RNF220: variants seen among roughly 807,000 people sequenced by gnomAD.
The protein encoded by RNF220 is ring finger protein 220.
In RNF220, 7 loss-of-function variants were observed where a neutral mutation model predicts 67.1. The observed-to-expected ratio is 0.10, with a 90% CI of 0.06 to 0.20. The LOEUF (loss-of-function observed/expected upper bound fraction) is 0.20, where lower values mean the gene tolerates loss of function less well. RNF220 is among the 10% of genes least tolerant of loss of function. RNF220 has a pLI of 1.00. For synonymous variants in RNF220, 270 were observed against 283.2 expected (o/e 0.95, Z 0.47); for missense variants, 565 against 740.3 (o/e 0.76, Z 2.75).
At chr1:44,462,247 T>A (rs1653851142) in intron 2 of RNF220, among the ~76,000 whole-genome samples, 1 of 152,116 alleles carries the variant, frequency 6.6e-6, no homozygotes, top group Admixed American at 6.6e-5. Flanking sequence ...ATATATTTTT[T>A]AATGGGAATC....
In RNF220 at chr1:44,597,509, CACGA is replaced by C. The variant is rs1434382776; in HGVS notation, c.626-16653_626-16650del. Among the ~76,000 whole-genome samples the C allele has an allele frequency of 2.8e-4, 37 of 130,776 alleles. 2 individuals carry two copies. In the South Asian group the frequency reaches 8.6e-3, roughly 30 times the overall value. The allele number at this position is 130,776 out of a possible 152,430, so 85.8% of individuals were successfully genotyped here. A position where few individuals can be genotyped will look rare whatever the true frequency, so the allele number is the denominator to read the frequency against. On this transcript the variant is annotated intron_variant, in intron 2 of 14. Transcript: ENST00000361799. ...ACACACACACACACACACACACACA[CACGA>C]ACCTCCCTCACCTCCCTCTCTCACG... is the stretch of plus-strand genomic sequence containing the variant.
chr1:44,457,426 T>A (rs1357995295), intron 2 of RNF220, among the ~76,000 whole-genome samples: 1 of 152,094 alleles, frequency 6.6e-6, no homozygotes, highest in Non-Finnish European at 1.5e-5. Context: ...TGAAGATAAT[T>A]CCAGGCAAAG....
At chr1:44,638,891 G>A (rs1249920958) in intron 8 of RNF220, among the ~76,000 whole-genome samples, 1 of 152,204 alleles carries the variant, frequency 6.6e-6, no homozygotes, top group Non-Finnish European at 1.5e-5. Context: ...AAGTAAGTTG[G>A]AAGGAATTTT....
chr1:44,631,917 C>A (rs115027833), intron 5 of RNF220: 1 of 987,192 alleles, frequency 1.0e-6, no homozygotes, highest in East Asian at 1.1e-4. Context: ...CCGCCCCCGC[C>A]GCATTGTGAA....
At position 44,502,228 on chromosome 1, in the gene RNF220, A is replaced by G. The variant is rs148602755; in HGVS notation, c.625+89506A>G. Among the ~76,000 whole-genome samples, 219 of 151,958 alleles carry G rather than the reference A, an allele frequency of 1.4e-3. 2 individuals are homozygous for G. The South Asian group carries it at 0.023, about 16-fold the overall frequency. ...CATACACTTTATGAGGCTCCTGGCT[A>G]AGGCTGCCGCATGATCCAGTGTTCT... On this transcript the variant is annotated intron_variant, in intron 2 of 14. Transcript: ENST00000361799.
At chr1:44,424,059 G>T in intron 2 of RNF220, 1 of 977,404 alleles carries the variant, frequency 1.0e-6, no homozygotes, top group African/African-American at 1.8e-5. Flanking sequence ...TGTGTGTAGA[G>T]CGTTGTGCTC....
At chr1:44,531,466 A>G (rs928344932) in intron 2 of RNF220, among the ~76,000 whole-genome samples, 38 of 152,120 alleles carry the variant, frequency 2.5e-4, no homozygotes, top group Non-Finnish European at 1.5e-4. Flanking sequence ...GCTCTCTCTG[A>G]TGTGTGTCCA....
intron 3 of RNF220, among the ~76,000 whole-genome samples, chr1:44,616,927 C>CT (rs1643577422): frequency 6.6e-6 from 1 of 152,196 alleles, no homozygotes; most frequent in African/African-American, 2.4e-5. Context: ...AACAGCCTTC[C>CT]TTTTTCCACA....
chr1:44,573,621 T>G (rs1337588632), intron 2 of RNF220, among the ~76,000 whole-genome samples: 1 of 152,006 alleles, frequency 6.6e-6, no homozygotes, highest in Non-Finnish European at 1.5e-5. Flanking sequence ...GATATAGGGG[T>G]CTGATTTCCC....
intron 5 of RNF220, chr1:44,631,767 G>A (rs1644130728): frequency 5.8e-6 from 2 of 346,528 alleles, no homozygotes; most frequent in South Asian, 2.3e-4. Flanking sequence ...GCAGCGGGAG[G>A]GGTCGTGGAG....
chr1:44,511,333 C>G (rs1658974786), intron 2 of RNF220, among the ~76,000 whole-genome samples: 1 of 152,084 alleles, frequency 6.6e-6, no homozygotes, highest in Non-Finnish European at 1.5e-5. Flanking sequence ...GAGAAACTTT[C>G]ACTAGCGAAG....
At chr1:44,580,483 T>G (rs1665190129) in intron 2 of RNF220, among the ~76,000 whole-genome samples, 1 of 152,210 alleles carries the variant, frequency 6.6e-6, no homozygotes, top group South Asian at 2.1e-4. Context: ...GATCAAACCT[T>G]TTCTGTCTGA....
At chr1:44,531,162 C>T (rs981124731) in intron 2 of RNF220, among the ~76,000 whole-genome samples, 12 of 152,166 alleles carry the variant, frequency 7.9e-5, no homozygotes, top group Admixed American at 3.3e-4. Flanking sequence ...CTGGGCTGCT[C>T]TTTGTAGATT....
In RNF220 at chr1:44,608,177, G is replaced by T. The variant is rs760435737; in HGVS notation, c.626-5988G>T. On this transcript the variant is annotated intron_variant, in intron 2 of 14. Transcript: ENST00000361799. The stretch of plus-strand genomic sequence containing the variant: ...TGGCCTTAAGCAGTCCTCCCACCTC[G>T]GCCTCTCGAAGTGCTAGGATTACAG... 1.5e-5 allele frequency among the ~76,000 whole-genome samples: 2 copies of T among 129,906 alleles called. 1 individual carries two copies. The highest frequency in any genetic ancestry group is 4.3e-4 in the South Asian group (2 of 4,606). The allele number at this position is 129,906 out of a possible 152,430, so 85.2% of individuals were successfully genotyped here. A position where few individuals can be genotyped will look rare whatever the true frequency, so the allele number is the denominator to read the frequency against.
intron 2 of RNF220, among the ~76,000 whole-genome samples, chr1:44,425,110 G>A (rs1158835108): frequency 6.6e-6 from 1 of 152,158 alleles, no homozygotes; most frequent in Non-Finnish European, 1.5e-5. Flanking sequence ...ACCCTTCCAG[G>A]GGGCAGCTGC....
At chr1:44,427,141 A>C (rs1001433455) in intron 2 of RNF220, among the ~76,000 whole-genome samples, 7 of 152,198 alleles carry the variant, frequency 4.6e-5, no homozygotes. Flanking sequence ...GTACAGATGA[A>C]GAAACTGATG....
intron 2 of RNF220, among the ~76,000 whole-genome samples, chr1:44,424,465 T>G (rs762913521): frequency 7.2e-5 from 11 of 152,082 alleles, no homozygotes; most frequent in Non-Finnish European, 1.6e-4. Context: ...TCCTTAAGGT[T>G]TAGGAATCAC....
At chr1:44,459,945 T>C (rs987158355) in intron 2 of RNF220, among the ~76,000 whole-genome samples, 7 of 152,142 alleles carry the variant, frequency 4.6e-5, no homozygotes. Flanking sequence ...AGTTTGAGTT[T>C]TCCTAAAAGT....
At chr1:44,460,567 C>CG (rs1653664005) in intron 2 of RNF220, among the ~76,000 whole-genome samples, 1 of 152,136 alleles carries the variant, frequency 6.6e-6, no homozygotes, top group Non-Finnish European at 1.5e-5. Flanking sequence ...GAGAGTTCTT[C>CG]GATCATTGAG....
Sources: gnomAD v4.1 joint callset for allele counts (sites outside exome capture counted in the v4.1 genomes callset) on GRCh38, gnomAD v4.1.1 for gene constraint, MANE v1.5 for transcripts, NCBI Gene and HGNC (gene_info 2026-07-23, HGNC 2026-07-21) for gene names.